The following MCC variants were observed in gnomAD, a reference collection of about 807,000 sequenced individuals.
The protein encoded by MCC is MCC regulator of Wnt signaling pathway.
Under a neutral mutation model 116.2 loss-of-function variants are expected in MCC, and 90 were observed. That is an observed-to-expected ratio of 0.77 (90% CI 0.65 to 0.92). The LOEUF (loss-of-function observed/expected upper bound fraction) is 0.92, where lower values mean the gene tolerates loss of function less well. Among genes scored for constraint, MCC ranks in the 40% least tolerant of loss-of-function variants. The probability of loss-of-function intolerance (pLI) is 0.00; values close to 1 mark genes in which losing one functional copy is unlikely to be tolerated. For synonymous variants in MCC, 578 were observed against 510.5 expected (o/e 1.13, Z -1.78); for missense variants, 1,516 against 1,312.2 (o/e 1.16, Z -2.40).
At chr5:113,344,674 C>G (rs918946999) in intron 2 of MCC, among the ~76,000 whole-genome samples, 3 of 151,980 alleles carry the variant, frequency 2.0e-5, no homozygotes, top group African/African-American at 4.8e-5. Flanking sequence ...CATTTGTAGA[C>G]ATACCCTGGG....
At chr5:113,351,813 T>G (rs569580000) in intron 2 of MCC, among the ~76,000 whole-genome samples, 9 of 152,142 alleles carry the variant, frequency 5.9e-5, no homozygotes, top group Non-Finnish European at 1.2e-4. Context: ...ACCCCATAAA[T>G]ATATATACCT....
chr5:113,340,761 A>G (rs1446815706), intron 2 of MCC, 31 bp from the exon 3 acceptor site: 2 of 1,592,550 alleles, frequency 1.3e-6, no homozygotes, highest in Non-Finnish European at 1.7e-6. Context: ...GAAAATGAAA[A>G]GACATTTCCT....
At chr5:113,051,928 G>A (rs929084147) in intron 15 of MCC, among the ~76,000 whole-genome samples, 4 of 152,006 alleles carry the variant, frequency 2.6e-5, no homozygotes, top group African/African-American at 9.7e-5. Flanking sequence ...CAAGCAGACT[G>A]GGAGGGACTC....
intron 1 of MCC, among the ~76,000 whole-genome samples, chr5:113,480,929 C>G (rs1286400514): frequency 6.6e-6 from 1 of 152,082 alleles, no homozygotes; most frequent in Non-Finnish European, 1.5e-5. Context: ...TGCAAGCTGC[C>G]ATGCCTGGGT....
At chr5:113,034,590 C>A (rs1046891610) in intron 17 of MCC, among the ~76,000 whole-genome samples, 7 of 152,224 alleles carry the variant, frequency 4.6e-5, no homozygotes, top group African/African-American at 1.7e-4. Flanking sequence ...CACAGGGAGT[C>A]ACAGCCATGC....
Position 113,488,335 on chromosome 5 carries a change from C to G in MCC, c.80G>C (p.Ser27Thr). The G allele has an allele frequency of 6.7e-7, 1 of 1,484,968 alleles. No homozygotes were observed. Among genetic ancestry groups the G allele is most frequent in the African/African-American group, 1.7e-5 (1 of 59,320 alleles). The allele number at this position is 1,484,968 out of a possible 1,614,324, so 92.0% of individuals were successfully genotyped here. Residue 27 changes from serine (S) to threonine (T), a missense_variant, in exon 1 of 19, where the codon AGC (serine) becomes ACC (threonine). By Grantham distance (58) the Ser-to-Thr change is moderately conservative (BLOSUM62 1). Coordinates refer to ENST00000408903, the MANE Select transcript of MCC (RefSeq NM_001085377.2). Reference protein sequence around the residue: ...GGGGGSGSSSSSSDTSSTGEE... With the variant: ...GGGGGSGSSSTSSDTSSTGEE... ...GCCGGTGCTGGACGTGTCGCTGCTG[C>G]TGCTGCTGCTGCCGCTGCCGCCGCC...
chr5:113,342,446 T>G (rs1385823915), intron 2 of MCC, among the ~76,000 whole-genome samples: 1 of 152,234 alleles, frequency 6.6e-6, no homozygotes, highest in African/African-American at 2.4e-5. Flanking sequence ...TTTGGTTTGT[T>G]GATTAGAGCA....
intron 5 of MCC, among the ~76,000 whole-genome samples, chr5:113,128,456 CT>C (rs1758217938): frequency 6.6e-6 from 1 of 152,144 alleles, no homozygotes; most frequent in Non-Finnish European, 1.5e-5. Flanking sequence ...AAATGTATTC[CT>C]TTTAGTTCTC....
In MCC at chr5:113,367,634, G is replaced by GC. The variant is rs377722386; in HGVS notation, c.415+17333_415+17334insG. On this transcript the variant is annotated intron_variant, in intron 2 of 18. Coordinates refer to ENST00000408903, the MANE Select transcript of MCC (RefSeq NM_001085377.2). ...GGCATAAGGAAGGCAGAGGGTGGGG[G>GC]GGGGGAAGAGAGAGAGAAAGAGAGA... Among the ~76,000 whole-genome samples, 104 of 112,570 alleles carry GC rather than the reference G, an allele frequency of 9.2e-4. 1 individual carries two copies. The highest frequency in any genetic ancestry group is 3.2e-3 in the African/African-American group (98 of 30,594). The allele number at this position is 112,570 out of a possible 152,430, so 73.9% of individuals were successfully genotyped here.
At chr5:113,325,323 C>G (rs1767526532) in intron 3 of MCC, among the ~76,000 whole-genome samples, 1 of 152,152 alleles carries the variant, frequency 6.6e-6, no homozygotes, top group Admixed American at 6.5e-5. Context: ...GTTAATGATT[C>G]ACACAATAAG....
chr5:113,157,337 A>G (rs185865232), intron 3 of MCC, among the ~76,000 whole-genome samples: 1 of 152,332 alleles, frequency 6.6e-6, no homozygotes, highest in East Asian at 1.9e-4. Context: ...CCCATGAAAC[A>G]CAGTTGGTAA....
intron 3 of MCC, among the ~76,000 whole-genome samples, chr5:113,337,625 T>C (rs1039377214): frequency 6.6e-6 from 1 of 152,204 alleles, no homozygotes; most frequent in Non-Finnish European, 1.5e-5. Context: ...TACTAGTTAA[T>C]AATCATTTAT....
At chr5:113,100,604 T>C (rs925560208) in intron 8 of MCC, among the ~76,000 whole-genome samples, 7 of 151,156 alleles carry the variant, frequency 4.6e-5, no homozygotes, top group South Asian at 2.1e-4. Flanking sequence ...CTCAAGTAGC[T>C]GGGACTACAG....
intron 2 of MCC, among the ~76,000 whole-genome samples, chr5:113,348,579 G>A (rs931088952): frequency 6.6e-6 from 1 of 151,908 alleles, no homozygotes; most frequent in African/African-American, 2.4e-5. Flanking sequence ...ACTGAGGGAA[G>A]TTTATACCTA....
intron 2 of MCC, among the ~76,000 whole-genome samples, chr5:113,345,063 C>T (rs2150380157): frequency 6.6e-6 from 1 of 152,138 alleles, no homozygotes; most frequent in Middle Eastern, 3.4e-3. Flanking sequence ...GGCCTCACAG[C>T]ATTCACCAAA....
At chr5:113,115,326 C>T (rs1270360425) in intron 6 of MCC, among the ~76,000 whole-genome samples, 2 of 152,204 alleles carry the variant, frequency 1.3e-5, no homozygotes, top group African/African-American at 4.8e-5. Context: ...CGAAAGACGC[C>T]ACCCCACCAC....
chr5:113,207,905 T>G (rs1762977412), intron 3 of MCC, among the ~76,000 whole-genome samples: 1 of 152,154 alleles, frequency 6.6e-6, no homozygotes, highest in African/African-American at 2.4e-5. Context: ...CCTACTCTCA[T>G]CAGCAGAGGT....
intron 3 of MCC, among the ~76,000 whole-genome samples, chr5:113,311,485 G>A (rs1342455224): frequency 1.3e-5 from 2 of 152,156 alleles, no homozygotes; most frequent in African/African-American, 2.4e-5. Flanking sequence ...CAGCCATCAA[G>A]CCAGCTTATC....
rs1003950555 is a variant in MCC at position 113,156,846 on chromosome 5, A to C, written c.628-5424T>G. On this transcript the variant is annotated intron_variant, in intron 3 of 18. Coordinates refer to ENST00000408903, the MANE Select transcript of MCC (RefSeq NM_001085377.2). Reference sequence around the variant, plus strand: ...CATTTGGCTGCAAGCTAACTGTCAAAATGGTTATTTTTGGATAAAACATAA... The same window carrying C: ...CATTTGGCTGCAAGCTAACTGTCAACATGGTTATTTTTGGATAAAACATAA... Among the ~76,000 whole-genome samples the C allele has an allele frequency of 2.0e-5, 3 of 152,230 alleles. No individual in the cohort carries two copies. The East Asian group carries it at 5.8e-4, about 29-fold the overall frequency.
Sources: gnomAD v4.1 joint callset for allele counts (sites outside exome capture counted in the v4.1 genomes callset) on GRCh38, gnomAD v4.1.1 for gene constraint, MANE v1.5 for transcripts, NCBI Gene and HGNC (gene_info 2026-07-23, HGNC 2026-07-21) for gene names.